The following RFX2 variants were observed in gnomAD, a reference collection of about 807,000 sequenced individuals.
RFX2 encodes the protein regulatory factor X2.
In RFX2, 20 loss-of-function variants were observed where a neutral mutation model predicts 87.8. The observed-to-expected ratio is 0.23, with a 90% CI of 0.16 to 0.33. The LOEUF (loss-of-function observed/expected upper bound fraction) is 0.33. Among genes scored for constraint, RFX2 ranks in the 10% least tolerant of loss-of-function variants. The pLI is 1.00. For synonymous variants in RFX2, 397 were observed against 431.3 expected, an observed-to-expected ratio of 0.92 and a Z score of 0.98; for missense variants, 767 against 1,012.3, an observed-to-expected ratio of 0.76 and a Z score of 3.29.
At chr19:6,033,965 T>C (rs673153) in intron 5 of RFX2, among the ~76,000 whole-genome samples, 96,752 of 152,136 alleles carry the variant, frequency 0.64, 33,078 homozygotes, top group African/African-American at 0.9. Context: ...ATTATCATCA[T>C]GTGTGTTGGC....
intron 5 of RFX2, among the ~76,000 whole-genome samples, chr19:6,038,621 T>A (rs1368882566): frequency 1.3e-5 from 2 of 151,956 alleles, no homozygotes; most frequent in Non-Finnish European, 1.5e-5. Flanking sequence ...ACATAAAGAA[T>A]TCTCAAAACT....
Position 5,994,100 on chromosome 19 carries a change from C to T in RFX2, c.*735G>A, listed in dbSNP as rs1599828880. 2 of 152,238 alleles carry T rather than the reference C, an allele frequency of 1.3e-5. No homozygotes were observed. The highest frequency in any genetic ancestry group is 1.5e-5 in the Non-Finnish European group (1 of 68,060). 9.4% of individuals were successfully genotyped at this position (152,238 alleles called of 1,614,324 possible). On this transcript the variant is annotated 3_prime_UTR_variant, in exon 18 of 18. Coordinates refer to ENST00000303657, the MANE Select transcript of RFX2 (RefSeq NM_000635.4). ...TGCTGTGTCCTGGCACGAGCGAGCC[C>T]GTTTCTGTGGCTTGTTCTTTTTCGA...
chr19:6,023,708 G>A lies in RFX2; in HGVS notation c.597+2455C>T, dbSNP rs1599861583. Among the ~76,000 whole-genome samples the A allele has an allele frequency of 3.9e-5, 6 of 152,290 alleles. No individual in the cohort carries two copies. The South Asian group carries it at 1.2e-3, about 32-fold the overall frequency. On this transcript the variant is annotated intron_variant, in intron 6 of 17. Transcript: ENST00000303657. The surrounding 1 kb of genome is among the most constrained non-coding windows in gnomAD (Gnocchi z 4.9). ...GCGACCTGAGAAAGTCTGCCTTTCG[G>A]ATGAAGTGTTAGAAAGCAGGAAGGA...
intron 1 of RFX2, among the ~76,000 whole-genome samples, chr19:6,067,348 C>T (rs2087529102): frequency 6.6e-6 from 1 of 152,222 alleles, no homozygotes; most frequent in African/African-American, 2.4e-5. Context: ...GAACCACTGA[C>T]TCAGCGTCAG....
At chr19:6,043,836 C>G (rs970487459) in intron 3 of RFX2, among the ~76,000 whole-genome samples, 4 of 152,216 alleles carry the variant, frequency 2.6e-5, no homozygotes, top group African/African-American at 9.6e-5. Flanking sequence ...GTGCCCGCAT[C>G]TGAGGGTATG....
rs1378658035 is a variant in RFX2, at chr19:6,044,770, G to A, written c.91-488C>T. Among the ~76,000 whole-genome samples, 3 of 152,292 alleles carry A rather than the reference G, an allele frequency of 2.0e-5. No individual in the cohort carries two copies. Among genetic ancestry groups the A allele is most frequent in the East Asian group, 1.9e-4 (1 of 5,168 alleles). On this transcript the variant is annotated intron_variant, in intron 2 of 17. Transcript: ENST00000303657. The surrounding 1 kb of genome is among the most constrained non-coding windows in gnomAD (Gnocchi z 5.3). ...GCCCCTCGCTTCTGCAGTATAACCCGGACTTGTTTCCATTTTCTGATGAGG... is the reference window on the plus strand; with the variant it reads ...GCCCCTCGCTTCTGCAGTATAACCCAGACTTGTTTCCATTTTCTGATGAGG...
intron 5 of RFX2, among the ~76,000 whole-genome samples, chr19:6,033,831 GT>G (rs1408073214): frequency 6.6e-6 from 1 of 152,010 alleles, no homozygotes; most frequent in African/African-American, 2.4e-5. Flanking sequence ...ACTCTATGAA[GT>G]TTTAAAAAAA....
chr19:6,018,948 C>T (rs73547558), intron 6 of RFX2, among the ~76,000 whole-genome samples: 2,784 of 152,304 alleles, frequency 0.018, 102 homozygotes, highest in African/African-American at 0.064. Context: ...CTGAATCACT[C>T]AAGTAGCCTA....
rs1440121007 is a variant in RFX2, at chr19:6,023,044, G to C, written c.597+3119C>G. ...TCCACCTTCTGCCCTCAAATGCTAA[G>C]CTCCCTGGAGTGACTTTTCCTCCTT... On this transcript the variant is annotated intron_variant, in intron 6 of 17. Coordinates refer to ENST00000303657, the MANE Select transcript of RFX2 (RefSeq NM_000635.4). This position sits in a 1 kb window ranked among gnomAD's most constrained non-coding sequence, Gnocchi z 4.9. 6.6e-6 allele frequency: 1 copy of C among 152,494 alleles called. No homozygotes were observed. Among genetic ancestry groups the C allele is most frequent in the East Asian group, 1.9e-4 (1 of 5,202 alleles). 9.4% of individuals were successfully genotyped at this position (152,494 alleles called of 1,614,324 possible). A position where few individuals can be genotyped will look rare whatever the true frequency, so the allele number is the denominator to read the frequency against.
At position 6,027,886 on chromosome 19, in the gene RFX2, G is replaced by A. The variant is rs1157973406; in HGVS notation, c.523-1649C>T. 6.6e-6 allele frequency among the ~76,000 whole-genome samples: 1 copy of A among 152,096 alleles called. No individual in the cohort carries two copies. Among genetic ancestry groups the A allele is most frequent in the Non-Finnish European group, 1.5e-5 (1 of 68,020 alleles). Reference sequence around the variant, plus strand: ...AGTGATTCTCATGCCTCAGCCTCCTGAGTAGCTGGGATTATAGGCATGTGC... The same window carrying A: ...AGTGATTCTCATGCCTCAGCCTCCTAAGTAGCTGGGATTATAGGCATGTGC... On this transcript the variant is annotated intron_variant, in intron 5 of 17. Coordinates refer to ENST00000303657, the MANE Select transcript of RFX2 (RefSeq NM_000635.4). The surrounding 1 kb of genome is among the most constrained non-coding windows in gnomAD (Gnocchi z 5.0).
At position 6,040,992 on chromosome 19, in the gene RFX2, T is replaced by C. The variant is rs1204561437; in HGVS notation, c.261-751A>G. 6.6e-6 allele frequency among the ~76,000 whole-genome samples: 1 copy of C among 152,174 alleles called. No homozygotes were observed. Among genetic ancestry groups the C allele is most frequent in the Non-Finnish European group, 1.5e-5 (1 of 68,038 alleles). On this transcript the variant is annotated intron_variant, in intron 4 of 17. Coordinates refer to ENST00000303657, the MANE Select transcript of RFX2 (RefSeq NM_000635.4). The surrounding 1 kb of genome is among the most constrained non-coding windows in gnomAD (Gnocchi z 6.1). The stretch of plus-strand genomic sequence containing the variant: ...ATGCAAGCACACACGCAAAAGCACG[T>C]GCATACAGACTGGTAGAACTGAATA...
At chr19:6,062,969 C>T (rs937047645) in intron 1 of RFX2, among the ~76,000 whole-genome samples, 1 of 152,194 alleles carries the variant, frequency 6.6e-6, no homozygotes, top group African/African-American at 2.4e-5. Context: ...CCCTCCCCTT[C>T]CAGAGACCAA....
chr19:6,105,445 T>C (rs2088201496), intron 1 of RFX2, among the ~76,000 whole-genome samples: 1 of 152,160 alleles, frequency 6.6e-6, no homozygotes, highest in South Asian at 2.1e-4. Context: ...GGCATCTAGC[T>C]TGGCGATGAG....
chr19:6,031,493 G>A (rs1421396164), intron 5 of RFX2, among the ~76,000 whole-genome samples: 5 of 123,968 alleles, frequency 4.0e-5, no homozygotes, highest in South Asian at 5.2e-4. Context: ...GCAGTGTTGC[G>A]ATCTTGGCTC....
rs2144669217 is a variant in RFX2, at chr19:6,001,007, G to A, written c.1859+808C>T. Among the ~76,000 whole-genome samples, 1 of 152,280 alleles carries A rather than the reference G, an allele frequency of 6.6e-6. No individual in the cohort carries two copies. Among genetic ancestry groups the A allele is most frequent in the Middle Eastern group, 3.4e-3 (1 of 294 alleles). On this transcript the variant is annotated intron_variant, in intron 15 of 17. Transcript: ENST00000303657. The surrounding 1 kb of genome is among the most constrained non-coding windows in gnomAD (Gnocchi z 5.6). ...GGAGGCATCTTGGTGCCTTTCCTGGGGACAATCCCTCTGGAAGCCTTGGCT... is the reference window on the plus strand; with the variant it reads ...GGAGGCATCTTGGTGCCTTTCCTGGAGACAATCCCTCTGGAAGCCTTGGCT...
chr19:6,055,199 CATCCAATG>C (rs1280946935), intron 1 of RFX2, among the ~76,000 whole-genome samples: 1 of 152,172 alleles, frequency 6.6e-6, no homozygotes, highest in Admixed American at 6.5e-5. Flanking sequence ...AGTCTGACAA[CATCCAATG>C]TTGTAAGTAC....
At position 5,999,940 on chromosome 19, in the gene RFX2, A is replaced by C. The variant is rs1021792404; in HGVS notation, c.1859+1875T>G. On this transcript the variant is annotated intron_variant, in intron 15 of 17. Transcript: ENST00000303657. This position sits in a 1 kb window ranked among gnomAD's most constrained non-coding sequence, Gnocchi z 4.1. ...AGTGTGTAAGGAGACAGCTGAGAACAGGGGTGCTGGCTGGCCAGCTGAGGG... is the reference window on the plus strand; with the variant it reads ...AGTGTGTAAGGAGACAGCTGAGAACCGGGGTGCTGGCTGGCCAGCTGAGGG... Among the ~76,000 whole-genome samples, 12 of 149,352 alleles carry C rather than the reference A, an allele frequency of 8.0e-5. No individual in the cohort carries two copies.
At chr19:6,058,034 G>C (rs1266822832) in intron 1 of RFX2, among the ~76,000 whole-genome samples, 1 of 152,216 alleles carries the variant, frequency 6.6e-6, no homozygotes, top group South Asian at 2.1e-4. Flanking sequence ...GTGGAACCAT[G>C]TCCTTTCTGG....
rs376202714 is a variant in RFX2 at position 6,008,147 on chromosome 19, C to T, written c.1093G>A (p.Asp365Asn). ...FLLQDGVTLH[D>N]VKALQLVYRR... ...TACACCAGCTGCAGGGCCTTGACGT[C>T]GTGCAGTGTGACGCCGTCCTGCAGC... Residue 365 changes from aspartate to asparagine, a missense_variant, in exon 10 of 18, where the codon GAC becomes AAC. Physicochemically the swap from Asp to Asn is conservative, Grantham distance 23 (BLOSUM62 1). This residue lies in a region of RFX2 where 621 missense variants were observed against 873.0 expected (regional missense o/e 0.71). Transcript: ENST00000303657. 84 of 1,555,874 alleles carry T rather than the reference C, an allele frequency of 5.4e-5. 1 individual carries two copies. Among genetic ancestry groups the T allele is most frequent in the South Asian group, 3.6e-4 (30 of 84,376 alleles).
Sources: allele counts gnomAD v4.1 joint callset (sites outside exome capture counted in the v4.1 genomes callset), GRCh38; gene constraint gnomAD v4.1.1; regional missense constraint gnomAD v4.1.1; non-coding constraint Gnocchi (gnomAD v3.1); transcripts MANE v1.5; gene names NCBI Gene and HGNC (gene_info 2026-07-23, HGNC 2026-07-21).